The following TNFSF4 variants were observed in gnomAD, a reference collection of about 807,000 sequenced individuals.
TNFSF4 encodes the protein TNF superfamily member 4.
TNFSF4 carries 4 observed loss-of-function variants against 7.3 expected under a neutral mutation model. The ratio of observed to expected loss-of-function variants is 0.55; its 90% CI spans 0.27 to 1.25. The LOEUF is 1.25. Among genes scored for constraint, TNFSF4 ranks in the 50% most tolerant of loss-of-function variants. The pLI is 0.12. For synonymous variants in TNFSF4, 76 were observed against 83.7 expected (o/e 0.91, Z 0.50); for missense variants, 181 against 208.8 (o/e 0.87, Z 0.82).
chr1:173,300,269 C>A, the TNFSF4 span, among the ~76,000 whole-genome samples: 1 of 151,778 alleles, frequency 6.6e-6, no homozygotes, highest in Admixed American at 6.6e-5. Flanking sequence ...AGAGTCCTTC[C>A]TCTTTGGCCT....
chr1:173,404,948 A>C, the TNFSF4 span, among the ~76,000 whole-genome samples: 4 of 152,004 alleles, frequency 2.6e-5, no homozygotes, highest in Non-Finnish European at 5.9e-5. Context: ...GCCCTCTTTT[A>C]AACTATAACA....
the TNFSF4 span, among the ~76,000 whole-genome samples, chr1:173,300,640 T>G: frequency 6.6e-6 from 1 of 151,900 alleles, no homozygotes; most frequent in Non-Finnish European, 1.5e-5. Flanking sequence ...TTCTACCTTT[T>G]TCTTTCAAGT....
rs189792004 is a variant in TNFSF4, at chr1:173,199,492, C to A, written c.153+7532G>T. Among the ~76,000 whole-genome samples the A allele has an allele frequency of 6.5e-4, 99 of 152,210 alleles. 1 individual carries two copies. In the East Asian group the frequency reaches 0.017, roughly 25 times the overall value. On this transcript the variant is annotated intron_variant, in intron 1 of 2. Transcript: ENST00000281834. ...AAAGAAGGCCATGTGAATATAGAGG[C>A]AGAGCTTGGAGCAATACAGCTACAA...
At chr1:173,243,731 C>G in the TNFSF4 span, among the ~76,000 whole-genome samples, 1 of 152,200 alleles carries the variant, frequency 6.6e-6, no homozygotes, top group East Asian at 1.9e-4. Flanking sequence ...GGCATCTCTG[C>G]TTCTTCTCTC....
At chr1:173,224,436 A>T in the TNFSF4 span, among the ~76,000 whole-genome samples, 1 of 152,224 alleles carries the variant, frequency 6.6e-6, no homozygotes, top group Non-Finnish European at 1.5e-5. Flanking sequence ...TGACTGTCTG[A>T]AACGAAAACA....
chr1:173,225,421 G>T, the TNFSF4 span, among the ~76,000 whole-genome samples: 1 of 151,962 alleles, frequency 6.6e-6, no homozygotes, highest in Admixed American at 6.6e-5. Context: ...CTCATTTTGG[G>T]ACAAACTTTT....
chr1:173,384,048 T>C, the TNFSF4 span, among the ~76,000 whole-genome samples: 1 of 152,226 alleles, frequency 6.6e-6, no homozygotes, highest in Non-Finnish European at 1.5e-5. Flanking sequence ...AGCCACTTCA[T>C]GTAAGTCAAA....
the TNFSF4 span, among the ~76,000 whole-genome samples, chr1:173,364,623 T>C: frequency 1.3e-5 from 2 of 152,094 alleles, no homozygotes; most frequent in African/African-American, 4.8e-5. Flanking sequence ...GTTGAAACTA[T>C]GTTGCATGTA....
chr1:173,307,988 A>G, the TNFSF4 span, among the ~76,000 whole-genome samples: 1 of 151,964 alleles, frequency 6.6e-6, no homozygotes, highest in African/African-American at 2.4e-5. Context: ...GCACCTGGTC[A>G]GTGTTATTGG....
At chr1:173,267,213 C>A in the TNFSF4 span, among the ~76,000 whole-genome samples, 1 of 152,112 alleles carries the variant, frequency 6.6e-6, no homozygotes, top group Admixed American at 6.6e-5. Flanking sequence ...CAGAGTAACA[C>A]CCATTCTTTC....
At chr1:173,231,802 A>G in the TNFSF4 span, among the ~76,000 whole-genome samples, 4 of 152,154 alleles carry the variant, frequency 2.6e-5, no homozygotes, top group Admixed American at 6.5e-5. Flanking sequence ...AATCACAAGC[A>G]TTCTTATACA....
the TNFSF4 span, among the ~76,000 whole-genome samples, chr1:173,320,436 C>A: frequency 2.0e-5 from 3 of 152,182 alleles, no homozygotes; most frequent in African/African-American, 7.2e-5. Flanking sequence ...GATGCCCTCT[C>A]TCACCACTCC....
At chr1:173,390,057 C>T in the TNFSF4 span, among the ~76,000 whole-genome samples, 1 of 152,090 alleles carries the variant, frequency 6.6e-6, no homozygotes, top group South Asian at 2.1e-4. Context: ...GCGTATGCTA[C>T]TACCAGATGT....
At chr1:173,219,191 T>C in the TNFSF4 span, among the ~76,000 whole-genome samples, 1 of 152,212 alleles carries the variant, frequency 6.6e-6, no homozygotes, top group African/African-American at 2.4e-5. Context: ...ACCACAGCAG[T>C]ACATTCAGAA....
the TNFSF4 span, among the ~76,000 whole-genome samples, chr1:173,433,604 A>G: frequency 3.4e-4 from 52 of 152,172 alleles, no homozygotes; most frequent in South Asian, 0.011. Context: ...AGGGAGGCAG[A>G]GGTGGGAGGA....
the TNFSF4 span, among the ~76,000 whole-genome samples, chr1:173,352,494 T>A: frequency 6.6e-6 from 1 of 152,176 alleles, no homozygotes; most frequent in Non-Finnish European, 1.5e-5. Context: ...GCAGGTTCCA[T>A]GATGCCCCCT....
chr1:173,207,364 C>T (rs1650242258), upstream of TNFSF4: 1 of 451,350 alleles, frequency 2.2e-6, no homozygotes, highest in African/African-American at 2.0e-5. Context: ...AGTTTTAACG[C>T]TGCAACTTTT....
the TNFSF4 span, among the ~76,000 whole-genome samples, chr1:173,358,013 C>T: frequency 6.7e-6 from 1 of 149,294 alleles, no homozygotes; most frequent in African/African-American, 2.5e-5. Flanking sequence ...ATAAAGGAAT[C>T]TGCAAACATG....
the TNFSF4 span, among the ~76,000 whole-genome samples, chr1:173,262,595 A>ATT: frequency 1.6e-5 from 2 of 127,158 alleles, no homozygotes; most frequent in African/African-American, 5.7e-5. Flanking sequence ...AGCCCAAAAG[A>ATT]TTCTTTTTTT....
Sources: gnomAD v4.1 joint callset for allele counts (sites outside exome capture counted in the v4.1 genomes callset) on GRCh38, gnomAD v4.1.1 for gene constraint, MANE v1.5 for transcripts, NCBI Gene and HGNC (gene_info 2026-07-23, HGNC 2026-07-21) for gene names.